TNIK: variants seen among roughly 807,000 people sequenced by gnomAD.
TNIK encodes the protein TRAF2 and NCK-interacting protein kinase.
A neutral mutation model predicts 191.3 loss-of-function variants in TNIK; 49 were observed. That is an observed-to-expected ratio of 0.26 (90% confidence interval 0.20 to 0.32). TNIK has a LOEUF of 0.32. TNIK is among the 10% of genes least tolerant of loss of function. The pLI is 1.00. For missense variants in TNIK, 1,155 were observed against 1,702.3 expected (o/e 0.68, Z 5.66); for synonymous variants, 594 against 600.9 (o/e 0.99, Z 0.17).
At chr3:171,330,493 G>A (rs1391434467) in intron 2 of TNIK, among the ~76,000 whole-genome samples, 5 of 152,176 alleles carry the variant, frequency 3.3e-5, no homozygotes, top group African/African-American at 1.2e-4. Context: ...GAGATAGAGT[G>A]TATAGATTTT....
chr3:171,250,969 G>A (rs1746156566), intron 2 of TNIK, among the ~76,000 whole-genome samples: 1 of 152,146 alleles, frequency 6.6e-6, no homozygotes, highest in Non-Finnish European at 1.5e-5. Context: ...ATACCAAATG[G>A]TCACAAGCCT....
chr3:171,307,726 A>G (rs538171355), intron 2 of TNIK, among the ~76,000 whole-genome samples: 2 of 152,274 alleles, frequency 1.3e-5, no homozygotes, highest in East Asian at 3.9e-4. Flanking sequence ...ATCTCCTGTC[A>G]ATGGTCTGGG....
At chr3:171,343,965 G>C (rs73879536) in intron 2 of TNIK, among the ~76,000 whole-genome samples, 3 of 152,114 alleles carry the variant, frequency 2.0e-5, no homozygotes, top group African/African-American at 7.2e-5. Flanking sequence ...CGACAGTCTA[G>C]TCTGAGCAGA....
At chr3:171,430,653 A>AAG (rs1725260911) in intron 1 of TNIK, among the ~76,000 whole-genome samples, 1 of 151,734 alleles carries the variant, frequency 6.6e-6, no homozygotes, top group Non-Finnish European at 1.5e-5. Context: ...CAGACAAAAA[A>AAG]AAAAAAAAAG....
chr3:171,104,071 C>T, intron 21 of TNIK, among the ~76,000 whole-genome samples: 1 of 1,118 alleles, frequency 8.9e-4, no homozygotes, highest in Non-Finnish European at 2.3e-3. Flanking sequence ...AACAATTAAA[C>T]TTAAAGGAAA....
intron 4 of TNIK, among the ~76,000 whole-genome samples, chr3:171,207,363 A>T (rs2173913): frequency 0.77 from 116,648 of 150,944 alleles, 45,580 homozygotes; most frequent in East Asian, 0.89. Context: ...CTTTTTTTTT[A>T]AATTTTAATT....
intron 22 of TNIK, among the ~76,000 whole-genome samples, chr3:171,094,372 G>T (rs1032868377): frequency 3.9e-5 from 6 of 152,028 alleles, no homozygotes; most frequent in African/African-American, 1.4e-4. Context: ...TCCTGACCTC[G>T]TGATTTGCCC....
chr3:171,274,379 C>T (rs1749469441), intron 2 of TNIK, among the ~76,000 whole-genome samples: 1 of 152,138 alleles, frequency 6.6e-6, no homozygotes, highest in Non-Finnish European at 1.5e-5. Context: ...CTTATAGAGA[C>T]CGAGCCCAGG....
At chr3:171,256,035 A>T (rs1031035898) in intron 2 of TNIK, among the ~76,000 whole-genome samples, 1 of 152,174 alleles carries the variant, frequency 6.6e-6, no homozygotes, top group Non-Finnish European at 1.5e-5. Context: ...CTGAGCAGCT[A>T]ATAAGACGAC....
intron 2 of TNIK, among the ~76,000 whole-genome samples, chr3:171,344,132 T>C (rs1416750940): frequency 6.6e-6 from 1 of 152,152 alleles, no homozygotes; most frequent in Non-Finnish European, 1.5e-5. Context: ...TTAAACCCCA[T>C]CCCATATCTT....
intron 2 of TNIK, among the ~76,000 whole-genome samples, chr3:171,342,406 G>A (rs768941414): frequency 1.3e-5 from 2 of 152,184 alleles, no homozygotes; most frequent in Admixed American, 1.3e-4. Context: ...AGGAATACGT[G>A]TTCTCCACAG....
Position 171,110,701 on chromosome 3 carries a change from G to A in TNIK, c.2284+13C>T. On this transcript the variant is annotated intron_variant, in intron 19 of 32. Coordinates refer to ENST00000436636, the MANE Select transcript of TNIK (RefSeq NM_015028.4). ...AGGCAGTATTGCCAGGTAAAGGTAA[G>A]AGAAAGTTTTACCTCGAACTCTGGT... is the stretch of plus-strand genomic sequence containing the variant. 6.3e-7 allele frequency: 1 copy of A among 1,575,848 alleles called. No homozygotes were observed. The highest frequency in any genetic ancestry group is 1.2e-5 in the South Asian group (1 of 85,140).
chr3:171,108,374 T>TAA (rs372751977), intron 19 of TNIK, among the ~76,000 whole-genome samples: 2 of 148,942 alleles, frequency 1.3e-5, no homozygotes, highest in African/African-American at 4.9e-5. Context: ...TAGTAACAAT[T>TAA]AAAAAAAAAA....
At chr3:171,093,996 G>A (rs759646296) in intron 22 of TNIK, 28 bp from the exon 23 acceptor site, 4 of 1,602,206 alleles carry the variant, frequency 2.5e-6, no homozygotes, top group South Asian at 2.3e-5. Flanking sequence ...AACATTCATG[G>A]CAATGTATCT....
At chr3:171,214,886 T>C in intron 3 of TNIK, among the ~76,000 whole-genome samples, 1 of 152,286 alleles carries the variant, frequency 6.6e-6, no homozygotes, top group Non-Finnish European at 1.5e-5. Context: ...TTAGTATTAA[T>C]ATAAAGAAGA....
intron 2 of TNIK, among the ~76,000 whole-genome samples, chr3:171,319,735 A>ACCT (rs1424997386): frequency 1.3e-5 from 2 of 152,152 alleles, no homozygotes; most frequent in Non-Finnish European, 2.9e-5. Context: ...AAGGAACGAG[A>ACCT]CCTTTTTAAG....
intron 2 of TNIK, among the ~76,000 whole-genome samples, chr3:171,262,190 T>G (rs1747726087): frequency 6.6e-6 from 1 of 152,092 alleles, no homozygotes; most frequent in Admixed American, 6.5e-5. Flanking sequence ...TTCGTTTTGT[T>G]TAGAAAAACT....
At chr3:171,098,921 C>T (rs1208465595) in intron 22 of TNIK, among the ~76,000 whole-genome samples, 1 of 152,104 alleles carries the variant, frequency 6.6e-6, no homozygotes, top group African/African-American at 2.4e-5. Flanking sequence ...AGTAAACATA[C>T]ACACATACAT....
At chr3:171,451,108 C>G (rs1245125114) in intron 1 of TNIK, among the ~76,000 whole-genome samples, 1 of 152,126 alleles carries the variant, frequency 6.6e-6, no homozygotes, top group Non-Finnish European at 1.5e-5. Flanking sequence ...TTGTGTAGTC[C>G]CCTTCGAAAT....
Sources: allele counts gnomAD v4.1 joint callset (sites outside exome capture counted in the v4.1 genomes callset), GRCh38; gene constraint gnomAD v4.1.1; transcripts MANE v1.5; gene names NCBI Gene and HGNC (gene_info 2026-07-23, HGNC 2026-07-21).